MAP2: variants seen among roughly 807,000 people sequenced by gnomAD.
The protein encoded by MAP2 is microtubule associated protein 2.
Under a neutral mutation model 137.6 loss-of-function variants are expected in MAP2, and 14 were observed. That is an observed-to-expected ratio of 0.10 (90% CI 0.07 to 0.16). MAP2 has a LOEUF of 0.16. Among genes scored for constraint, MAP2 ranks in the 10% least tolerant of loss-of-function variants. MAP2 has a pLI of 1.00. For synonymous variants in MAP2, 786 were observed against 782.3 expected (o/e 1.00, Z -0.08); for missense variants, 2,088 against 2,191.5 (o/e 0.95, Z 0.94).
chr2:209,724,836 T>C (rs945536383), intron 13 of MAP2, among the ~76,000 whole-genome samples: 5 of 152,236 alleles, frequency 3.3e-5, no homozygotes, highest in African/African-American at 1.2e-4. Context: ...GCCCCAGTCC[T>C]GGTAATTACC....
intron 3 of MAP2, among the ~76,000 whole-genome samples, chr2:209,602,776 A>G (rs952218911): frequency 6.6e-6 from 1 of 152,234 alleles, no homozygotes; most frequent in African/African-American, 2.4e-5. Flanking sequence ...TTATCAAAAT[A>G]TGAAGAGCTG....
chr2:209,597,895 A>G (rs1488861325), intron 3 of MAP2, among the ~76,000 whole-genome samples: 1 of 152,066 alleles, frequency 6.6e-6, no homozygotes, highest in Non-Finnish European at 1.5e-5. Flanking sequence ...AGGCTTGACC[A>G]TTATATACTT....
intron 13 of MAP2, among the ~76,000 whole-genome samples, chr2:209,712,022 AAG>A (rs1463312720): frequency 3.9e-5 from 6 of 152,144 alleles, no homozygotes; most frequent in Admixed American, 6.5e-5. Flanking sequence ...AAGTAATTAA[AAG>A]AGAAAAGTAT....
At position 209,692,704 on chromosome 2, in the gene MAP2, G is replaced by A. The variant is rs201765886; in HGVS notation, c.534G>A (p.Lys178=). The part of the protein sequence containing the change: ...TPSTAEPSDQ[K]EKESEKQSKP... Reference sequence around the variant, plus strand: ...CTACAGCTGAGCCTTCAGACCAGAAGGAAAAGGAGTCAGAGAAGCAAAGTA... The same window carrying A: ...CTACAGCTGAGCCTTCAGACCAGAAAGAAAAGGAGTCAGAGAAGCAAAGTA... The change falls in exon 8 of 16, where the codon AAG becomes AAA. Residue 178 remains lysine (K), a synonymous_variant. Transcript: ENST00000682079. 1.6e-4 allele frequency: 261 copies of A among 1,613,890 alleles called. No homozygotes were observed. In the East Asian group the frequency reaches 5.7e-3, roughly 35 times the overall value.
chr2:209,559,650 C>CA (rs781406473), intron 2 of MAP2, among the ~76,000 whole-genome samples: 1 of 151,940 alleles, frequency 6.6e-6, no homozygotes, highest in African/African-American at 2.4e-5. Flanking sequence ...GACTCTGTCT[C>CA]AAAAAAATAA....
At chr2:209,505,621 G>A (rs1259188555) in intron 1 of MAP2, among the ~76,000 whole-genome samples, 3 of 152,066 alleles carry the variant, frequency 2.0e-5, no homozygotes, top group African/African-American at 4.8e-5. Context: ...AATAGTTTTT[G>A]TGCTGCCTAA....
intron 4 of MAP2, among the ~76,000 whole-genome samples, chr2:209,629,740 C>A (rs1040911021): frequency 6.6e-6 from 1 of 152,108 alleles, no homozygotes; most frequent in Non-Finnish European, 1.5e-5. Flanking sequence ...AGAACCTATT[C>A]CAGGAGTGAG....
intron 3 of MAP2, among the ~76,000 whole-genome samples, chr2:209,605,882 T>C (rs1580287892): frequency 6.6e-6 from 1 of 152,188 alleles, no homozygotes; most frequent in African/African-American, 2.4e-5. Context: ...AGTTGAGTGG[T>C]ATCCCATTTG....
intron 3 of MAP2, among the ~76,000 whole-genome samples, chr2:209,612,130 C>T (rs777869534): frequency 7.2e-5 from 11 of 152,082 alleles, no homozygotes; most frequent in Non-Finnish European, 1.5e-4. Flanking sequence ...TTTCATGCAG[C>T]GCCTTTATTG....
intron 12 of MAP2, 73 bp downstream of exon 12, chr2:209,705,800 A>G (rs1284575466): frequency 2.4e-6 from 3 of 1,237,876 alleles, no homozygotes; most frequent in Non-Finnish European, 3.4e-6. Context: ...ACTTATATTT[A>G]TATTTTAATT....
chr2:209,576,824 A>T (rs1439130590), intron 2 of MAP2, among the ~76,000 whole-genome samples: 1 of 152,206 alleles, frequency 6.6e-6, no homozygotes, highest in Admixed American at 6.5e-5. Context: ...TTAGAATATG[A>T]CATACCTAAG....
At chr2:209,654,502 A>G (rs1287178314) in intron 5 of MAP2, among the ~76,000 whole-genome samples, 4 of 152,232 alleles carry the variant, frequency 2.6e-5, no homozygotes, top group Non-Finnish European at 5.9e-5. Context: ...GGATTAATTA[A>G]GATAGTAAAG....
intron 4 of MAP2, among the ~76,000 whole-genome samples, chr2:209,626,217 C>T (rs985894532): frequency 6.6e-6 from 1 of 152,092 alleles, no homozygotes; most frequent in African/African-American, 2.4e-5. Context: ...AGTTTGAGAT[C>T]AGCCTGGCCA....
At chr2:209,648,203 G>A (rs1411781327) in intron 4 of MAP2, among the ~76,000 whole-genome samples, 1 of 151,490 alleles carries the variant, frequency 6.6e-6, no homozygotes, top group Non-Finnish European at 1.5e-5. Context: ...CCAGGTTCAA[G>A]CAATTCTTCT....
At chr2:209,457,897 C>T (rs1461207450) in intron 1 of MAP2, among the ~76,000 whole-genome samples, 1 of 152,100 alleles carries the variant, frequency 6.6e-6, no homozygotes, top group Non-Finnish European at 1.5e-5. Context: ...TATGCTACTG[C>T]CCTTCTCAAC....
intron 5 of MAP2, among the ~76,000 whole-genome samples, chr2:209,675,811 A>T (rs2051123572): frequency 6.6e-6 from 1 of 151,840 alleles, no homozygotes; most frequent in Non-Finnish European, 1.5e-5. Context: ...ATACATATAA[A>T]ACACTCTCAG....
At chr2:209,582,761 G>C (rs1312055343) in intron 3 of MAP2, among the ~76,000 whole-genome samples, 1 of 152,080 alleles carries the variant, frequency 6.6e-6, no homozygotes, top group East Asian at 1.9e-4. Context: ...CATGGCTTTA[G>C]AGAATGTTAT....
In MAP2 at chr2:209,650,589, G is replaced by A. The variant is rs540212456; in HGVS notation, c.-29-2553G>A. Among the ~76,000 whole-genome samples the A allele has an allele frequency of 3.9e-5, 6 of 152,256 alleles. No homozygotes were observed. In the South Asian group the frequency reaches 1.2e-3, roughly 32 times the overall value. On this transcript the variant is annotated intron_variant, in intron 4 of 15. Transcript: ENST00000682079. ...AGACATGAGGACTAAATATAATATA[G>A]TACCCTGGATCAGATCCTGAAACGA...
intron 13 of MAP2, among the ~76,000 whole-genome samples, chr2:209,713,270 G>T (rs942440811): frequency 3.3e-5 from 5 of 152,144 alleles, no homozygotes; most frequent in African/African-American, 9.7e-5. Flanking sequence ...GAACTCAACA[G>T]CTTTCCAAAT....
Sources: allele counts gnomAD v4.1 joint callset (sites outside exome capture counted in the v4.1 genomes callset), GRCh38; gene constraint gnomAD v4.1.1; transcripts MANE v1.5; gene names NCBI Gene and HGNC (gene_info 2026-07-23, HGNC 2026-07-21).